The following AFTPH variants were observed in gnomAD, a reference collection of about 807,000 sequenced individuals.
The protein encoded by AFTPH is aftiphilin protein.
In AFTPH, 7 loss-of-function variants were observed where a neutral mutation model predicts 72.5. The ratio of observed to expected loss-of-function variants is 0.10; its 90% CI spans 0.05 to 0.18. The LOEUF (loss-of-function observed/expected upper bound fraction) is 0.18. Ranked by LOEUF, AFTPH falls within the 10% of genes least tolerant of loss-of-function variation. The pLI, the probability that AFTPH is intolerant of heterozygous loss-of-function variation, is 1.00. For missense variants in AFTPH, 979 were observed against 1,060.5 expected (o/e 0.92, Z 1.07); for synonymous variants, 337 against 370.1 (o/e 0.91, Z 1.03).
intron 1 of AFTPH, among the ~76,000 whole-genome samples, chr2:64,542,271 C>A (rs761493796): frequency 6.6e-6 from 1 of 152,130 alleles, no homozygotes; most frequent in Non-Finnish European, 1.5e-5. Context: ...GCCCATGGAC[C>A]TTTAGGGTGC....
intron 3 of AFTPH, 24 bp downstream of exon 3, chr2:64,567,737 T>A: frequency 6.3e-7 from 1 of 1,588,036 alleles, no homozygotes; most frequent in Non-Finnish European, 8.6e-7. Context: ...TGTTTTTAGA[T>A]AGCATGTGTT....
At chr2:64,566,113 A>C (rs567853433) in intron 2 of AFTPH, among the ~76,000 whole-genome samples, 70 of 152,184 alleles carry the variant, frequency 4.6e-4, no homozygotes, top group African/African-American at 1.6e-3. Flanking sequence ...CATGTATCCA[A>C]TTAGGTGGTT....
At chr2:64,590,935 T>A (rs991376328) in intron 8 of AFTPH, among the ~76,000 whole-genome samples, 5 of 152,240 alleles carry the variant, frequency 3.3e-5, no homozygotes, top group Admixed American at 3.3e-4. Context: ...GTGTCACATC[T>A]AAGAATACCA....
At chr2:64,534,366 CTTCA>C (rs1406358415) in intron 1 of AFTPH, among the ~76,000 whole-genome samples, 2 of 151,812 alleles carry the variant, frequency 1.3e-5, no homozygotes, top group African/African-American at 2.4e-5. Context: ...TTGATAATAT[CTTCA>C]TTCAAAAAAA....
intron 6 of AFTPH, 60 bp downstream of exon 6, chr2:64,573,128 C>A: frequency 8.0e-7 from 1 of 1,255,734 alleles, no homozygotes; most frequent in Non-Finnish European, 1.1e-6. Context: ...TATATCCACA[C>A]ATACTGCCTT....
intron 1 of AFTPH, among the ~76,000 whole-genome samples, chr2:64,541,062 G>C (rs1007214551): frequency 6.6e-6 from 1 of 152,022 alleles, no homozygotes; most frequent in Admixed American, 6.6e-5. Context: ...TACTAGTTAT[G>C]CTACCTTGTA....
At chr2:64,592,319 A>G in exon 9 of AFTPH, 1 of 221,058 alleles carries the variant, frequency 4.5e-6, no homozygotes, top group Non-Finnish European at 8.8e-6. Flanking sequence ...TGTGAAATAC[A>G]CTGGTGGTGT....
chr2:64,580,198 A>G (rs967161143), intron 7 of AFTPH: 1 of 152,678 alleles, frequency 6.5e-6, no homozygotes, highest in Admixed American at 6.5e-5. Context: ...TAACACACCA[A>G]TGTTAGTTTC....
At chr2:64,579,384 C>CTT in intron 6 of AFTPH, 102 bp from the exon 7 acceptor site, 1 of 815,516 alleles carries the variant, frequency 1.2e-6, no homozygotes, top group Non-Finnish European at 1.9e-6. Context: ...TCTTTAGGTA[C>CTT]TTTGTTGCCT....
intron 1 of AFTPH, 28 bp from the exon 2 acceptor site, chr2:64,551,415 C>T: frequency 6.6e-7 from 1 of 1,523,486 alleles, no homozygotes; most frequent in Non-Finnish European, 8.8e-7. Context: ...TCTGTCCCCT[C>T]CAAAAATTCT....
At chr2:64,568,976 C>G (rs904586412) in intron 3 of AFTPH, 116 bp from the exon 4 acceptor site, 6 of 1,099,850 alleles carry the variant, frequency 5.5e-6, no homozygotes, top group Middle Eastern at 2.0e-4. Flanking sequence ...TATACACTTA[C>G]GTTGGACCCA....
intron 1 of AFTPH, among the ~76,000 whole-genome samples, chr2:64,546,353 C>T (rs910021327): frequency 4.6e-5 from 7 of 152,022 alleles, no homozygotes; most frequent in South Asian, 2.1e-4. Flanking sequence ...CTCTAGCAAA[C>T]GGGGCATAAA....
At chr2:64,583,586 A>T (rs1558632476) in intron 7 of AFTPH, among the ~76,000 whole-genome samples, 1 of 152,134 alleles carries the variant, frequency 6.6e-6, no homozygotes, top group African/African-American at 2.4e-5. Context: ...TATACACTAG[A>T]CAGCAACTTA....
intron 2 of AFTPH, among the ~76,000 whole-genome samples, chr2:64,566,189 C>T (rs1672081071): frequency 6.6e-6 from 1 of 152,128 alleles, no homozygotes; most frequent in Non-Finnish European, 1.5e-5. Context: ...GCAAGGGCCC[C>T]TTGATGCACT....
chr2:64,553,702 TA>T (rs5831703), intron 2 of AFTPH, among the ~76,000 whole-genome samples: 75,547 of 139,140 alleles, frequency 0.54, 19,769 homozygotes, highest in African/African-American at 0.56. Flanking sequence ...CCATATATGT[TA>T]AAAAAAAAAA....
chr2:64,558,099 A>G (rs1438325499), intron 2 of AFTPH, among the ~76,000 whole-genome samples: 2 of 152,186 alleles, frequency 1.3e-5, no homozygotes, highest in Non-Finnish European at 2.9e-5. Flanking sequence ...AGATTAAATT[A>G]CCCAGTGGAT....
intron 2 of AFTPH, among the ~76,000 whole-genome samples, chr2:64,554,192 A>G (rs1321573010): frequency 6.6e-6 from 1 of 152,152 alleles, no homozygotes; most frequent in Non-Finnish European, 1.5e-5. Context: ...CCTCCTATAC[A>G]TTATCCTTTT....
chr2:64,525,318 G>C (rs1177874221), intron 1 of AFTPH, among the ~76,000 whole-genome samples: 3 of 152,240 alleles, frequency 2.0e-5, no homozygotes, highest in Non-Finnish European at 4.4e-5. Context: ...ATGGAGTGAG[G>C]GGTGGTAGGG....
chr2:64,525,589 C>T (rs967649698), intron 1 of AFTPH: 4 of 154,038 alleles, frequency 2.6e-5, no homozygotes, highest in Admixed American at 6.5e-5. Context: ...ACCTCCTATT[C>T]CGAGGATTTT....
Sources: allele counts gnomAD v4.1 joint callset (sites outside exome capture counted in the v4.1 genomes callset), GRCh38; gene constraint gnomAD v4.1.1; transcripts MANE v1.5; gene names NCBI Gene and HGNC (gene_info 2026-07-23, HGNC 2026-07-21).